TNFSF9: variants seen among roughly 807,000 people sequenced by gnomAD.
TNFSF9 encodes the protein tumor necrosis factor ligand superfamily member 9.
Under a neutral mutation model 10.3 loss-of-function variants are expected in TNFSF9, and 10 were observed. The observed-to-expected ratio is 0.97, with a 90% confidence interval of 0.60 to 1.65. The LOEUF (loss-of-function observed/expected upper bound fraction) is 1.65. Among genes scored for constraint, TNFSF9 ranks in the 40% most tolerant of loss-of-function variants. The pLI is 0.00. For synonymous variants in TNFSF9, 195 were observed against 176.1 expected (o/e 1.11, Z -0.85); for missense variants, 361 against 348.9 (o/e 1.03, Z -0.28).
chr19:6,534,121 A>C (rs1599429866), intron 2 of TNFSF9, among the ~76,000 whole-genome samples: 1 of 65,388 alleles, frequency 1.5e-5, no homozygotes, highest in African/African-American at 6.6e-5. Context: ...TGCTCCCTCC[A>C]ACCCCCTCAC....
At position 6,535,226 on chromosome 19, in the gene TNFSF9, T is replaced by G; in HGVS notation, c.*160T>G. On this transcript the variant is annotated 3_prime_UTR_variant, in exon 3 of 3. Transcript: ENST00000245817. The stretch of plus-strand genomic sequence containing the variant: ...CTTGAGGACCCTCCTCACCCACTCC[T>G]TCCCCAAGTTGGACCTTGATATTTA... 2 of 561,156 alleles carry G rather than the reference T, an allele frequency of 3.6e-6. No individual in the cohort carries two copies. The highest frequency in any genetic ancestry group is 3.2e-5 in the East Asian group (1 of 31,264). 34.8% of individuals were successfully genotyped at this position (561,156 alleles called of 1,614,324 possible). A position where few individuals can be genotyped will look rare whatever the true frequency, so the allele number is the denominator to read the frequency against.
chr19:6,531,476 C>T (rs1323553676), intron 1 of TNFSF9, among the ~76,000 whole-genome samples, 173 bp downstream of exon 1: 1 of 152,072 alleles, frequency 6.6e-6, no homozygotes, highest in African/African-American at 2.4e-5. Context: ...CGGGGGGGCA[C>T]ACCTTTCATC....
Position 6,531,237 on chromosome 19 carries a change from C to T in TNFSF9, c.201C>T (p.Ser67=). The T allele has an allele frequency of 2.0e-6, 3 of 1,535,514 alleles. No homozygotes were observed. The South Asian group carries it at 3.7e-5, about 19-fold the overall frequency. ...GCGCCTCGCCCGGCTCCGCGGCCAG[C>T]CCGAGACTCCGCGAGGGTCCCGAGC... ...GARASPGSAA[S]PRLREGPELS... The change falls in exon 1 of 3, where the codon AGC becomes AGT. Residue 67 remains serine (S), a synonymous_variant. Coordinates refer to ENST00000245817, the MANE Select transcript of TNFSF9 (RefSeq NM_003811.4).
chr19:6,532,108 C>T (rs1599428492), intron 1 of TNFSF9, among the ~76,000 whole-genome samples: 2 of 152,192 alleles, frequency 1.3e-5, no homozygotes, highest in East Asian at 3.8e-4. Flanking sequence ...AGTTCCTTTG[C>T]TAACTCCCAA....
At chr19:6,531,685 G>A (rs1193582500) in intron 1 of TNFSF9, among the ~76,000 whole-genome samples, 1 of 151,122 alleles carries the variant, frequency 6.6e-6, no homozygotes. Context: ...GGACCTCCAA[G>A]GGCTCTCCTT....
rs573297562 is a variant in TNFSF9 at position 6,535,289 on chromosome 19, A to AT, written c.*224dup. 1 of 131,948 alleles carries AT rather than the reference A, an allele frequency of 7.6e-6. No individual in the cohort carries two copies. The highest frequency in any genetic ancestry group is 3.6e-5 in the African/African-American group (1 of 27,564). 8.2% of individuals were successfully genotyped at this position (131,948 alleles called of 1,614,324 possible). On this transcript the variant is annotated 3_prime_UTR_variant, in exon 3 of 3. Coordinates refer to ENST00000245817, the MANE Select transcript of TNFSF9 (RefSeq NM_003811.4). ...GCTCAGATAATATATTATATATATT[A>AT]TATATATATATATATTTCTATTTAA...
Position 6,535,294 on chromosome 19 carries a change from T to TAC in TNFSF9, c.*229_*230insCA, listed in dbSNP as rs1323762235. ...GATAATATATTATATATATTATATA[T>TAC]ATATATATATTTCTATTTAAAGAGG... On this transcript the variant is annotated 3_prime_UTR_variant, in exon 3 of 3. Transcript: ENST00000245817. 6.9e-6 allele frequency: 1 copy of TAC among 144,314 alleles called. No individual in the cohort carries two copies. Among genetic ancestry groups the TAC allele is most frequent in the African/African-American group, 2.5e-5 (1 of 39,492 alleles). 8.9% of individuals were successfully genotyped at this position (144,314 alleles called of 1,614,324 possible). A position where few individuals can be genotyped will look rare whatever the true frequency, so the allele number is the denominator to read the frequency against.
At chr19:6,533,318 C>G (rs1414830468) in intron 2 of TNFSF9, among the ~76,000 whole-genome samples, 1 of 137,608 alleles carries the variant, frequency 7.3e-6, no homozygotes, top group Non-Finnish European at 1.6e-5. Flanking sequence ...TTCCCCAAAC[C>G]CTCCCCAGCC....
chr19:6,535,259 C>G lies in TNFSF9; in HGVS notation c.*193C>G. 2.5e-6 allele frequency: 1 copy of G among 400,934 alleles called. No individual in the cohort carries two copies. The highest frequency in any genetic ancestry group is 4.4e-6 in the Non-Finnish European group (1 of 228,402). 24.8% of individuals were successfully genotyped at this position (400,934 alleles called of 1,614,324 possible). On this transcript the variant is annotated 3_prime_UTR_variant, in exon 3 of 3. Transcript: ENST00000245817. The stretch of plus-strand genomic sequence containing the variant: ...GTTGGACCTTGATATTTATTCTGAG[C>G]CTGAGCTCAGATAATATATTATATA...
At chr19:6,533,895 C>T (rs957066151) in intron 2 of TNFSF9, among the ~76,000 whole-genome samples, 1 of 54,310 alleles carries the variant, frequency 1.8e-5, no homozygotes, top group Non-Finnish European at 3.8e-5. Flanking sequence ...CCACCCCTTC[C>T]TGCTCCCTTT....
At chr19:6,534,527 G>C in intron 2 of TNFSF9, 73 bp from the exon 3 acceptor site, 1 of 1,409,238 alleles carries the variant, frequency 7.1e-7, no homozygotes, top group Non-Finnish European at 9.5e-7. Context: ...GCGCTGACAT[G>C]TTCGGTGCTC....
chr19:6,534,497 C>T (rs1207908930), intron 2 of TNFSF9, 103 bp from the exon 3 acceptor site: 11 of 1,219,316 alleles, frequency 9.0e-6, no homozygotes, highest in African/African-American at 4.6e-5. Context: ...GCCCCTGACC[C>T]GTTCTTTTCT....
rs375883113 is a variant in TNFSF9, at chr19:6,531,311, G to C, written c.267+8G>C. The C allele has an allele frequency of 2.7e-6, 4 of 1,476,630 alleles. No individual in the cohort carries two copies. In the African/African-American group the frequency reaches 5.9e-5, roughly 22 times the overall value. 91.5% of individuals were successfully genotyped at this position (1,476,630 alleles called of 1,614,324 possible). A position where few individuals can be genotyped will look rare whatever the true frequency, so the allele number is the denominator to read the frequency against. On this transcript the variant is annotated splice_region_variant and intron_variant, in intron 1 of 2. Coordinates refer to ENST00000245817, the MANE Select transcript of TNFSF9 (RefSeq NM_003811.4). The stretch of plus-strand genomic sequence containing the variant: ...CTCTTGGACCTGCGGCAGGTGAGAC[G>C]TGCCCCGACCCTCGGTAGCTGGTCT...
intron 1 of TNFSF9, among the ~76,000 whole-genome samples, chr19:6,532,316 TTTGTGTTCGTG>T (rs1915164517): frequency 1.3e-5 from 2 of 148,974 alleles, no homozygotes; most frequent in Non-Finnish European, 3.0e-5. Context: ...TGTGTGGGTG[TTTGTGTTCGTG>T]TGTGTGTGTT....
chr19:6,535,179 G>T lies in TNFSF9; in HGVS notation c.*113G>T. ...TTCTCTACCTCAAGGGGCTTGGCAGGGGTCCCTGCTGCTGACCTCCCCTTG... is the reference window on the plus strand; with the variant it reads ...TTCTCTACCTCAAGGGGCTTGGCAGTGGTCCCTGCTGCTGACCTCCCCTTG... On this transcript the variant is annotated 3_prime_UTR_variant, in exon 3 of 3. Transcript: ENST00000245817. 2 of 1,218,514 alleles carry T rather than the reference G, an allele frequency of 1.6e-6. No individual in the cohort carries two copies. The highest frequency in any genetic ancestry group is 2.2e-6 in the Non-Finnish European group (2 of 913,500). The allele number at this position is 1,218,514 out of a possible 1,614,324, so 75.5% of individuals were successfully genotyped here.
rs558413842 is a variant in TNFSF9 at position 6,532,896 on chromosome 19, G to A, written c.298+80G>A. On this transcript the variant is annotated intron_variant, in intron 2 of 2. Coordinates refer to ENST00000245817, the MANE Select transcript of TNFSF9 (RefSeq NM_003811.4). ...ATACGAAGAAGGGGGAACCTGGAGAGTGAGGCTCTGCCGCACACTGGCTTT... is the reference window on the plus strand; with the variant it reads ...ATACGAAGAAGGGGGAACCTGGAGAATGAGGCTCTGCCGCACACTGGCTTT... 1,362 of 1,595,540 alleles carry A rather than the reference G, an allele frequency of 8.5e-4. 1 individual carries two copies. Among genetic ancestry groups the A allele is most frequent in the Non-Finnish European group, 1.1e-3 (1,298 of 1,164,462 alleles).
At chr19:6,533,486 C>G (rs1328472116) in intron 2 of TNFSF9, among the ~76,000 whole-genome samples, 2 of 62,980 alleles carry the variant, frequency 3.2e-5, no homozygotes, top group Non-Finnish European at 6.5e-5. Context: ...TCCCCTCCCC[C>G]TCCAGAAACC....
At position 6,535,501 on chromosome 19, in the gene TNFSF9, T is replaced by C; in HGVS notation, c.*435T>C. 1 of 152,138 alleles carries C rather than the reference T, an allele frequency of 6.6e-6. No individual in the cohort carries two copies. Among genetic ancestry groups the C allele is most frequent in the Non-Finnish European group, 1.5e-5 (1 of 68,016 alleles). 9.4% of individuals were successfully genotyped at this position (152,138 alleles called of 1,614,324 possible). A position where few individuals can be genotyped will look rare whatever the true frequency, so the allele number is the denominator to read the frequency against. ...TACTTATTTGCTTATTTGTGTGTAT[T>C]GAGCATCTGTAATGTGCCAGCATTG... On this transcript the variant is annotated 3_prime_UTR_variant, in exon 3 of 3. Coordinates refer to ENST00000245817, the MANE Select transcript of TNFSF9 (RefSeq NM_003811.4).
intron 1 of TNFSF9, 41 bp from the exon 2 acceptor site, chr19:6,532,744 AG>A (rs1448281705): frequency 6.2e-7 from 1 of 1,613,436 alleles, no homozygotes; most frequent in African/African-American, 1.3e-5. Flanking sequence ...TCCATTTTCT[AG>A]GGGAACCCCC....
Sources: gnomAD v4.1 joint callset for allele counts (sites outside exome capture counted in the v4.1 genomes callset) on GRCh38, gnomAD v4.1.1 for gene constraint, MANE v1.5 for transcripts, NCBI Gene and HGNC (gene_info 2026-07-23, HGNC 2026-07-21) for gene names.